CEP192: variants seen among roughly 807,000 people sequenced by gnomAD.
CEP192 encodes the protein centrosomal protein of 192 kDa.
CEP192 carries 151 observed loss-of-function variants against 271.8 expected under a neutral mutation model. The observed-to-expected ratio is 0.56, with a 90% CI of 0.49 to 0.64. The LOEUF is 0.64. Among genes scored for constraint, CEP192 ranks in the 30% least tolerant of loss-of-function variants. The pLI is 0.00. For missense variants in CEP192, 2,910 were observed against 3,020.5 expected, an observed-to-expected ratio of 0.96 and a Z score of 0.86; for synonymous variants, 995 against 1,076.5, an observed-to-expected ratio of 0.92 and a Z score of 1.48.
intron 15 of CEP192, among the ~76,000 whole-genome samples, chr18:13,046,083 G>T (rs2036461470): frequency 6.6e-6 from 1 of 152,134 alleles, no homozygotes; most frequent in African/African-American, 2.4e-5. Context: ...CCATAGTTCT[G>T]CAGGCTGTAT....
rs1164196988 is a variant in CEP192 at position 13,008,503 on chromosome 18, A to C, written c.338A>C (p.Asn113Thr). The change falls in exon 4 of 45, where the codon AAT becomes ACT. Residue 113 changes from asparagine (N) to threonine (T), a missense_variant. Asn to Thr is a moderately conservative substitution (Grantham distance 65). Transcript: ENST00000506447. Reference protein sequence around the residue: ...KSYVESQRLSNALSKQSALQM... With the variant: ...KSYVESQRLSTALSKQSALQM... ...TATGTGGAAAGTCAACGTTTGTCAAATGCTCTCAGCAAACAGTCAGCTTTA... is the reference window on the plus strand; with the variant it reads ...TATGTGGAAAGTCAACGTTTGTCAACTGCTCTCAGCAAACAGTCAGCTTTA... The C allele has an allele frequency of 6.4e-7, 1 of 1,551,370 alleles. No homozygotes were observed. The highest frequency in any genetic ancestry group is 2.0e-5 in the Admixed American group (1 of 50,946).
At chr18:12,993,903 GT>G (rs1599006093) in intron 1 of CEP192, among the ~76,000 whole-genome samples, 2 of 152,172 alleles carry the variant, frequency 1.3e-5, no homozygotes, top group Non-Finnish European at 2.9e-5. Context: ...CTTAAAACTC[GT>G]TTTTTCAATT....
At chr18:13,099,396 T>A in intron 36 of CEP192, 80 bp from the exon 37 acceptor site, 2 of 700,232 alleles carry the variant, frequency 2.9e-6, no homozygotes, top group Non-Finnish European at 2.4e-6. Context: ...CATTGGCTGG[T>A]AGACAGTATT....
chr18:13,033,256 A>G (rs2035735169), intron 11 of CEP192, among the ~76,000 whole-genome samples: 1 of 152,252 alleles, frequency 6.6e-6, no homozygotes, highest in African/African-American at 2.4e-5. Flanking sequence ...TAAGAAAAAG[A>G]CCAACTACCC....
At chr18:13,003,817 C>T (rs947274379) in intron 3 of CEP192, among the ~76,000 whole-genome samples, 13 of 152,230 alleles carry the variant, frequency 8.5e-5, no homozygotes, top group East Asian at 3.9e-4. Flanking sequence ...GGCCCACTCT[C>T]GCGGTTATGT....
Position 13,038,445 on chromosome 18 carries a change from CT to C in CEP192, c.1676del (p.Leu559ArgfsTer2). ...CTGGGGAGCTACAATTAATTACAGT[CT>C]GTTGAGGAAATCACGTAGCACATCA... The part of the protein sequence containing the change: ...TSWGATINYS[L>X]LRKSRSTSDL... On this transcript the variant is annotated frameshift_variant, in exon 13 of 45. Transcript: ENST00000506447. LOFTEE classifies it high-confidence loss of function. 3 of 1,551,584 alleles carry C rather than the reference CT, an allele frequency of 1.9e-6. No individual in the cohort carries two copies. Among genetic ancestry groups the C allele is most frequent in the Non-Finnish European group, 2.6e-6 (3 of 1,146,934 alleles).
chr18:13,123,798 AC>A (rs1375490891), intron 44 of CEP192, among the ~76,000 whole-genome samples: 1 of 152,168 alleles, frequency 6.6e-6, no homozygotes, highest in Non-Finnish European at 1.5e-5. Flanking sequence ...ACTGTTTTTA[AC>A]CATAGGGCAC....
chr18:13,069,158 A>G lies in CEP192; in HGVS notation c.5032A>G (p.Ile1678Val). ...QHLPLKNAGNIEVYLDIKVPE... is the reference protein window; with the variant it reads ...QHLPLKNAGNVEVYLDIKVPE... ...CTTACCTTTGAAAAATGCTGGGAAC[A>G]TTGAAGTTTATTTGGATATCAAGGT... Residue 1678 changes from isoleucine to valine, a missense_variant, in exon 26 of 45, where the codon ATT becomes GTT. Coordinates refer to ENST00000506447, the MANE Select transcript of CEP192 (RefSeq NM_032142.4). The G allele has an allele frequency of 1.9e-6, 3 of 1,614,122 alleles. No homozygotes were observed. The highest frequency in any genetic ancestry group is 1.7e-6 in the Non-Finnish European group (2 of 1,179,968).
intron 21 of CEP192, among the ~76,000 whole-genome samples, chr18:13,066,824 T>C (rs2144349366): frequency 6.6e-6 from 1 of 152,316 alleles, no homozygotes; most frequent in South Asian, 2.1e-4. Context: ...TGGAACATAT[T>C]AAAGCTCTAC....
Position 13,038,592 on chromosome 18 carries a change from T to A in CEP192, c.1809+13T>A. ...CAATGTGAAAAGAGTAAGTATGGAA[T>A]CTGTTGGAAGTGCTCACAGTCACCA... On this transcript the variant is annotated intron_variant, in intron 13 of 44. Transcript: ENST00000506447. 1.9e-6 allele frequency: 3 copies of A among 1,544,142 alleles called. No individual in the cohort carries two copies. The highest frequency in any genetic ancestry group is 2.6e-6 in the Non-Finnish European group (3 of 1,140,402).
chr18:13,122,058 ACGGG>A (rs2040687059), intron 44 of CEP192, among the ~76,000 whole-genome samples: 1 of 151,854 alleles, frequency 6.6e-6, no homozygotes, highest in African/African-American at 2.4e-5. Flanking sequence ...GGAGGCCAAG[ACGGG>A]CGGGTCATCT....
intron 11 of CEP192, among the ~76,000 whole-genome samples, chr18:13,034,966 T>C (rs1290720942): frequency 1.3e-5 from 2 of 152,334 alleles, no homozygotes; most frequent in African/African-American, 2.4e-5. Flanking sequence ...ACAAATGGGC[T>C]GCTTCCACGT....
intron 19 of CEP192, among the ~76,000 whole-genome samples, chr18:13,056,944 A>T (rs951316475): frequency 2.0e-5 from 3 of 152,162 alleles, no homozygotes; most frequent in Non-Finnish European, 4.4e-5. Flanking sequence ...TTGCTCTGCC[A>T]TTCCAGTTTT....
intron 43 of CEP192, 136 bp downstream of exon 43, chr18:13,116,639 T>C: frequency 1.3e-6 from 1 of 799,568 alleles, no homozygotes; most frequent in Admixed American, 3.4e-5. Flanking sequence ...GGAGATGGAG[T>C]CTCGCTGTCG....
rs201043584 is a variant in CEP192, at chr18:13,112,673, T to C, written c.7048-913T>C. 5.9e-5 allele frequency among the ~76,000 whole-genome samples: 9 copies of C among 152,342 alleles called. No individual in the cohort carries two copies. In the East Asian group the frequency reaches 1.7e-3, roughly 29 times the overall value. On this transcript the variant is annotated intron_variant, in intron 40 of 44. Transcript: ENST00000506447. ...TTCATCTTCTTAGTGTCCAAGCCCC[T>C]GGTGGTGTAATTCTCTAGTCAGATG...
chr18:13,070,998 T>A, intron 27 of CEP192, 41 bp from the exon 28 acceptor site: 1 of 1,550,390 alleles, frequency 6.4e-7, no homozygotes, highest in Non-Finnish European at 8.9e-7. Context: ...GCGAAAAGAA[T>A]TGAATACAGG....
At chr18:13,070,417 A>G (rs1291687985) in intron 27 of CEP192, among the ~76,000 whole-genome samples, 1 of 152,190 alleles carries the variant, frequency 6.6e-6, no homozygotes, top group African/African-American at 2.4e-5. Flanking sequence ...ATAATAAAAG[A>G]TCAATTTGAT....
At chr18:13,070,078 T>A (rs931836747) in intron 27 of CEP192, among the ~76,000 whole-genome samples, 2 of 152,030 alleles carry the variant, frequency 1.3e-5, no homozygotes, top group Non-Finnish European at 2.9e-5. Context: ...GGAGAGTCGC[T>A]TGAACCCAGG....
chr18:13,041,561 CTT>C (rs367569854), intron 14 of CEP192, among the ~76,000 whole-genome samples: 1 of 148,976 alleles, frequency 6.7e-6, no homozygotes. Flanking sequence ...CTTTTCTTCT[CTT>C]TTTTTTTGAG....
Sources: allele counts gnomAD v4.1 joint callset (sites outside exome capture counted in the v4.1 genomes callset), GRCh38; gene constraint gnomAD v4.1.1; transcripts MANE v1.5; gene names NCBI Gene and HGNC (gene_info 2026-07-23, HGNC 2026-07-21).